Variants in ACOT7 observed in about 807,000 individuals in gnomAD.
The protein encoded by ACOT7 is acyl-CoA thioesterase 7, also known as cytosolic acyl coenzyme A thioester hydrolase.
A neutral mutation model predicts 40.2 loss-of-function variants in ACOT7; 12 were observed. The ratio of observed to expected loss-of-function variants is 0.30; its 90% CI spans 0.19 to 0.48. ACOT7 has a LOEUF of 0.48. Among genes scored for constraint, ACOT7 ranks in the 20% least tolerant of loss-of-function variants. The probability of loss-of-function intolerance (pLI) is 0.99; values close to 1 mark genes in which losing one functional copy is unlikely to be tolerated. For missense variants in ACOT7, 395 were observed against 530.8 expected (o/e 0.74, Z 2.51); for synonymous variants, 228 against 219.5 (o/e 1.04, Z -0.34).
chr1:6,288,560 T>A lies in ACOT7; in HGVS notation c.829+6304A>T, dbSNP rs896198313. On this transcript the variant is annotated intron_variant, in intron 7 of 8. Coordinates refer to ENST00000361521, the MANE Select transcript of ACOT7 (RefSeq NM_007274.4). This position sits in a 1 kb window ranked among gnomAD's most constrained non-coding sequence, Gnocchi z 4.3. ...AGGCTGTGAGCAGAGGAATAGCAGG[T>A]CCCTAGCGTCAAAAGGCTGTGACAA... Among the ~76,000 whole-genome samples the A allele has an allele frequency of 5.9e-5, 9 of 152,070 alleles. No individual in the cohort carries two copies. Among genetic ancestry groups the A allele is most frequent in the African/African-American group, 1.9e-4 (8 of 41,412 alleles).
At position 6,306,061 on chromosome 1, in the gene ACOT7, C is replaced by T. The variant is rs1313024329; in HGVS notation, c.713-11081G>A. 3.9e-5 allele frequency among the ~76,000 whole-genome samples: 6 copies of T among 151,912 alleles called. No homozygotes were observed. Among genetic ancestry groups the T allele is most frequent in the East Asian group, 1.9e-4 (1 of 5,186 alleles). On this transcript the variant is annotated intron_variant, in intron 6 of 8. Transcript: ENST00000361521. This position sits in a 1 kb window ranked among gnomAD's most constrained non-coding sequence, Gnocchi z 4.3. ...AAAACCAGTCAGGCGTGGCGGCGCG[C>T]GCCTGCAATCGCAGGCACTCGGCAG...
At chr1:6,328,050 G>A (rs1320213439) in intron 4 of ACOT7, among the ~76,000 whole-genome samples, 1 of 152,152 alleles carries the variant, frequency 6.6e-6, no homozygotes, top group Non-Finnish European at 1.5e-5. Context: ...GGGATTACAG[G>A]CGTGAGCCAC....
At position 6,339,563 on chromosome 1, in the gene ACOT7, A is replaced by AC; in HGVS notation, c.287dup (p.Val97CysfsTer14). 6.2e-7 allele frequency: 1 copy of AC among 1,613,442 alleles called. No homozygotes were observed. Among genetic ancestry groups the AC allele is most frequent in the African/African-American group, 1.3e-5 (1 of 75,038 alleles). Reference sequence around the variant, plus strand: ...GAGACAGGAAGTCGGTGCGCTCGACACGAGCCAGGGCGGCCACACAGCGCT... The same window carrying AC: ...GAGACAGGAAGTCGGTGCGCTCGACACCGAGCCAGGGCGGCCACACAGCGCT... On this transcript the variant is annotated frameshift_variant, in exon 3 of 9. Coordinates refer to ENST00000361521, the MANE Select transcript of ACOT7 (RefSeq NM_007274.4). LOFTEE classifies it high-confidence loss of function.
chr1:6,357,820 T>C (rs1368998726), intron 1 of ACOT7, among the ~76,000 whole-genome samples: 1 of 151,278 alleles, frequency 6.6e-6, no homozygotes, highest in Non-Finnish European at 1.5e-5. Context: ...TGCCTCCTCT[T>C]TCCATGGGGG....
intron 8 of ACOT7, among the ~76,000 whole-genome samples, chr1:6,272,980 C>G (rs1639079485): frequency 1.3e-5 from 2 of 152,240 alleles, no homozygotes; most frequent in Admixed American, 6.5e-5. Flanking sequence ...GGCCCCAAGG[C>G]TCCATCCCAC....
At chr1:6,348,146 A>G (rs945260471) in intron 2 of ACOT7, among the ~76,000 whole-genome samples, 5 of 151,866 alleles carry the variant, frequency 3.3e-5, no homozygotes, top group Non-Finnish European at 5.9e-5. Flanking sequence ...ACTGAGCTGC[A>G]CCGGAGCCTC....
rs1000964062 is a variant in ACOT7, at chr1:6,288,826, A to C, written c.829+6038T>G. On this transcript the variant is annotated intron_variant, in intron 7 of 8. Coordinates refer to ENST00000361521, the MANE Select transcript of ACOT7 (RefSeq NM_007274.4). The surrounding 1 kb of genome is among the most constrained non-coding windows in gnomAD (Gnocchi z 4.3). ...CCTAGGCACACACCCTTCGTGGCTG[A>C]AACTCAAAGTTATCTTCTGAACCCC... Among the ~76,000 whole-genome samples the C allele has an allele frequency of 2.0e-5, 3 of 152,196 alleles. No homozygotes were observed. Among genetic ancestry groups the C allele is most frequent in the Non-Finnish European group, 4.4e-5 (3 of 68,026 alleles).
At chr1:6,327,912 G>A (rs976771408) in intron 4 of ACOT7, among the ~76,000 whole-genome samples, 7 of 151,782 alleles carry the variant, frequency 4.6e-5, no homozygotes, top group Admixed American at 2.0e-4. Context: ...TACCTGGGAC[G>A]ACAGGTGCCC....
chr1:6,270,338 G>T (rs1038443105), intron 8 of ACOT7, among the ~76,000 whole-genome samples: 5 of 152,228 alleles, frequency 3.3e-5, no homozygotes, highest in Non-Finnish European at 5.9e-5. Context: ...AACGCTCTGC[G>T]GGAAGACAGA....
intron 1 of ACOT7, among the ~76,000 whole-genome samples, chr1:6,384,603 T>G (rs776058993): frequency 6.6e-6 from 1 of 151,858 alleles, no homozygotes; most frequent in Non-Finnish European, 1.5e-5. Context: ...GTCCTACAAT[T>G]CAAGTAAAGT....
Position 6,360,457 on chromosome 1 carries a change from A to G in ACOT7, c.144-10591T>C. On this transcript the variant is annotated intron_variant, in intron 1 of 8. Coordinates refer to ENST00000361521, the MANE Select transcript of ACOT7 (RefSeq NM_007274.4). ...CCTGAGTAGCCGGCATCCCAGGGCC[A>G]GGGTCTTGAAGCCACAGCGTCTCCC... 2.8e-6 allele frequency: 4 copies of G among 1,421,298 alleles called. No individual in the cohort carries two copies. In the South Asian group the frequency reaches 5.0e-5, roughly 18 times the overall value. The allele number at this position is 1,421,298 out of a possible 1,614,324, so 88.0% of individuals were successfully genotyped here. A position where few individuals can be genotyped will look rare whatever the true frequency, so the allele number is the denominator to read the frequency against.
chr1:6,350,773 C>T (rs1641569305), intron 1 of ACOT7, among the ~76,000 whole-genome samples: 1 of 152,214 alleles, frequency 6.6e-6, no homozygotes, highest in Non-Finnish European at 1.5e-5. Flanking sequence ...GCAGCGTCTC[C>T]CCAGGTCTGC....
intron 2 of ACOT7, among the ~76,000 whole-genome samples, chr1:6,349,324 A>G (rs1641520845): frequency 6.6e-6 from 1 of 152,182 alleles, no homozygotes; most frequent in Non-Finnish European, 1.5e-5. Flanking sequence ...GGCACTTGCT[A>G]TGGTGCCATG....
In ACOT7 at chr1:6,275,839, G is replaced by A. The variant is rs572342568; in HGVS notation, c.1014+5263C>T. Among the ~76,000 whole-genome samples the A allele has an allele frequency of 4.6e-5, 7 of 152,218 alleles. No homozygotes were observed. Among genetic ancestry groups the A allele is most frequent in the African/African-American group, 1.2e-4 (5 of 41,532 alleles). ...CTCGGAGTCCTGGGCTGGCCACCTC[G>A]GGAGATGTGTGTTCATGAGCACCAG... On this transcript the variant is annotated intron_variant, in intron 8 of 8. Transcript: ENST00000361521. This position sits in a 1 kb window ranked among gnomAD's most constrained non-coding sequence, Gnocchi z 5.6.
At chr1:6,341,198 G>C (rs1288824617) in intron 2 of ACOT7, among the ~76,000 whole-genome samples, 1 of 151,326 alleles carries the variant, frequency 6.6e-6, no homozygotes, top group Non-Finnish European at 1.5e-5. Flanking sequence ...CTGGAATGCA[G>C]TGGTGCAATC....
rs1265162349 is a variant in ACOT7, at chr1:6,288,206, G to A, written c.829+6658C>T. On this transcript the variant is annotated intron_variant, in intron 7 of 8. Transcript: ENST00000361521. This position sits in a 1 kb window ranked among gnomAD's most constrained non-coding sequence, Gnocchi z 4.3. ...GTGCCTTCCCCTGTGCTGGTCCCCT[G>A]GGTGCGGGCTCCAGCCTGTCGTGGC... Among the ~76,000 whole-genome samples the A allele has an allele frequency of 2.0e-5, 3 of 152,232 alleles. No individual in the cohort carries two copies.
chr1:6,389,001 A>T (rs1395086213), intron 1 of ACOT7, among the ~76,000 whole-genome samples: 6 of 151,290 alleles, frequency 4.0e-5, no homozygotes, highest in East Asian at 1.9e-4. Context: ...AGATCGCGCC[A>T]CTGCACTCCA....
intron 6 of ACOT7, among the ~76,000 whole-genome samples, chr1:6,297,859 C>T (rs1486129346): frequency 6.6e-6 from 1 of 151,972 alleles, no homozygotes; most frequent in African/African-American, 2.4e-5. Context: ...GAGACGAATA[C>T]CCAGGGGCTT....
chr1:6,332,410 C>T (rs1227711570), intron 4 of ACOT7, among the ~76,000 whole-genome samples: 1 of 152,218 alleles, frequency 6.6e-6, no homozygotes, highest in Non-Finnish European at 1.5e-5. Context: ...AATTAAATTT[C>T]TTTATTCCCA....
Sources: allele counts gnomAD v4.1 joint callset (sites outside exome capture counted in the v4.1 genomes callset), GRCh38; gene constraint gnomAD v4.1.1; non-coding constraint Gnocchi (gnomAD v3.1); transcripts MANE v1.5; gene names NCBI Gene and HGNC (gene_info 2026-07-23, HGNC 2026-07-21).